The following IRF2 variants were observed in gnomAD, a reference collection of about 807,000 sequenced individuals.
IRF2 encodes interferon regulatory factor 2.
Under a neutral mutation model 40.6 loss-of-function variants are expected in IRF2, and 15 were observed. The ratio of observed to expected loss-of-function variants is 0.37; its 90% CI spans 0.25 to 0.57. The LOEUF (loss-of-function observed/expected upper bound fraction) is 0.57, where lower values mean the gene tolerates loss of function less well. Among genes scored for constraint, IRF2 ranks in the 20% least tolerant of loss-of-function variants. The pLI, the probability that IRF2 is intolerant of heterozygous loss-of-function variation, is 0.77. For synonymous variants in IRF2, 151 were observed against 165.5 expected (o/e 0.91, Z 0.67); for missense variants, 317 against 455.7 (o/e 0.70, Z 2.77).
chr4:184,412,181 A>G (rs997163921), intron 5 of IRF2, among the ~76,000 whole-genome samples: 1 of 152,180 alleles, frequency 6.6e-6, no homozygotes, highest in African/African-American at 2.4e-5. Context: ...CTTTGCTATA[A>G]TTACAGAATC....
chr4:184,391,384 T>C (rs1736255598), intron 7 of IRF2, among the ~76,000 whole-genome samples: 1 of 152,212 alleles, frequency 6.6e-6, no homozygotes, highest in Middle Eastern at 3.2e-3. Context: ...TGTGATCCTG[T>C]GTCCATGATC....
At chr4:184,436,284 C>T (rs1738075548) in intron 1 of IRF2, among the ~76,000 whole-genome samples, 1 of 152,100 alleles carries the variant, frequency 6.6e-6, no homozygotes, top group African/African-American at 2.4e-5. Context: ...CATGGAACGC[C>T]TTTTCTTATT....
rs1323405113 is a variant in IRF2, at chr4:184,448,026, C to G, written c.-6-18956G>C. ...GACTATCTTCGTTACAGCAAAGACA[C>G]ATTCAAGTACTCAGGAGTGATGGGA... is the stretch of plus-strand genomic sequence containing the variant. On this transcript the variant is annotated intron_variant, in intron 1 of 8. Coordinates refer to ENST00000393593, the MANE Select transcript of IRF2 (RefSeq NM_002199.4). This position sits in a 1 kb window ranked among gnomAD's most constrained non-coding sequence, Gnocchi z 4.3. Among the ~76,000 whole-genome samples, 1 of 152,208 alleles carries G rather than the reference C, an allele frequency of 6.6e-6. No homozygotes were observed. The highest frequency in any genetic ancestry group is 1.5e-5 in the Non-Finnish European group (1 of 68,040).
chr4:184,454,505 C>T (rs1738839649), intron 1 of IRF2, among the ~76,000 whole-genome samples: 1 of 152,214 alleles, frequency 6.6e-6, no homozygotes, highest in South Asian at 2.1e-4. Context: ...TCCATGTCTC[C>T]TCTGCAAGCT....
chr4:184,395,486 C>A lies in IRF2; in HGVS notation c.694+3429G>T, dbSNP rs144428288. Among the ~76,000 whole-genome samples, 569 of 149,768 alleles carry A rather than the reference C, an allele frequency of 3.8e-3. 4 individuals are homozygous for A. Among genetic ancestry groups the A allele is most frequent in the African/African-American group, 0.013 (542 of 40,890 alleles). On this transcript the variant is annotated intron_variant, in intron 7 of 8. Transcript: ENST00000393593. ...GATGAACAGCCCAAACAAAGGAACT[C>A]CATCATGAAAAACAGGCAAATGGCC...
chr4:184,418,894 G>A (rs528513309), intron 3 of IRF2, among the ~76,000 whole-genome samples, 186 bp from the exon 4 acceptor site: 1 of 152,268 alleles, frequency 6.6e-6, no homozygotes, highest in African/African-American at 2.4e-5. Flanking sequence ...TGGGAATTTT[G>A]TTTTTAAAAC....
intron 1 of IRF2, among the ~76,000 whole-genome samples, chr4:184,441,179 A>G (rs140577481): frequency 6.6e-6 from 1 of 152,320 alleles, no homozygotes; most frequent in Non-Finnish European, 1.5e-5. Context: ...ACTGAGACCA[A>G]CGCTCCTTAG....
chr4:184,427,704 G>T (rs1364465474), intron 2 of IRF2, among the ~76,000 whole-genome samples: 1 of 151,976 alleles, frequency 6.6e-6, no homozygotes, highest in Middle Eastern at 3.2e-3. Context: ...AAAGAAATAA[G>T]ATTTGAAAGA....
chr4:184,417,227 T>A (rs988439697), intron 5 of IRF2, among the ~76,000 whole-genome samples: 1 of 152,048 alleles, frequency 6.6e-6, no homozygotes, highest in African/African-American at 2.4e-5. Context: ...TACTCAACTG[T>A]CTCCTTCCTA....
rs1394780362 is a variant in IRF2, at chr4:184,401,992, G to C, written c.530-2913C>G. Among the ~76,000 whole-genome samples the C allele has an allele frequency of 4.6e-5, 7 of 152,270 alleles. No homozygotes were observed. In the East Asian group the frequency reaches 1.4e-3, roughly 29 times the overall value. ...TCTTTCTCTCACTGCTTCTCCCCAT[G>C]ACGTCCTAGTCGGTTATTCAACTAA... On this transcript the variant is annotated intron_variant, in intron 6 of 8. Coordinates refer to ENST00000393593, the MANE Select transcript of IRF2 (RefSeq NM_002199.4).
At chr4:184,398,273 ACT>A in intron 7 of IRF2, among the ~76,000 whole-genome samples, 1 of 152,142 alleles carries the variant, frequency 6.6e-6, no homozygotes, top group East Asian at 1.9e-4. Flanking sequence ...CCATTAAAAC[ACT>A]CTGCCAAATT....
At chr4:184,433,799 T>C (rs1308952915) in intron 1 of IRF2, among the ~76,000 whole-genome samples, 1 of 152,188 alleles carries the variant, frequency 6.6e-6, no homozygotes, top group Admixed American at 6.5e-5. Context: ...GGGCAGGTAG[T>C]GCATTACCAG....
intron 1 of IRF2, among the ~76,000 whole-genome samples, chr4:184,455,603 A>G (rs969382415): frequency 3.9e-5 from 6 of 152,106 alleles, no homozygotes; most frequent in African/African-American, 1.4e-4. Flanking sequence ...TCACTCATTG[A>G]TAAGAAAGTG....
At chr4:184,434,070 C>T (rs936614312) in intron 1 of IRF2, among the ~76,000 whole-genome samples, 7 of 152,196 alleles carry the variant, frequency 4.6e-5, no homozygotes, top group Admixed American at 1.3e-4. Flanking sequence ...CGGTATGTAT[C>T]GTCTAGCTTC....
chr4:184,435,007 C>G (rs1300114230), intron 1 of IRF2, among the ~76,000 whole-genome samples: 5 of 152,178 alleles, frequency 3.3e-5, no homozygotes, highest in Non-Finnish European at 7.3e-5. Flanking sequence ...CATGATCACA[C>G]CACTGCATTC....
chr4:184,408,090 G>T lies in IRF2; in HGVS notation c.529+68C>A. 1.1e-6 allele frequency: 1 copy of T among 879,102 alleles called. No individual in the cohort carries two copies. The highest frequency in any genetic ancestry group is 1.9e-6 in the Non-Finnish European group (1 of 529,164). The allele number at this position is 879,102 out of a possible 1,614,324, so 54.5% of individuals were successfully genotyped here. ...CTGACTATGTTATTTGAAGTTCTCT[G>T]TTTTACAAATTTTAGGCCCCAGGGG... On this transcript the variant is annotated intron_variant, in intron 6 of 8. Coordinates refer to ENST00000393593, the MANE Select transcript of IRF2 (RefSeq NM_002199.4). This position sits in a 1 kb window ranked among gnomAD's most constrained non-coding sequence, Gnocchi z 4.9.
chr4:184,466,199 C>T (rs1459880106), intron 1 of IRF2, among the ~76,000 whole-genome samples: 1 of 151,984 alleles, frequency 6.6e-6, no homozygotes, highest in South Asian at 2.1e-4. Flanking sequence ...TACAGGTGCC[C>T]GCCACCATGC....
chr4:184,434,104 C>T (rs1467350030), intron 1 of IRF2, among the ~76,000 whole-genome samples: 2 of 152,194 alleles, frequency 1.3e-5, no homozygotes, highest in Non-Finnish European at 2.9e-5. Context: ...CAAGGTGACA[C>T]GCTGGTCTTT....
intron 1 of IRF2, among the ~76,000 whole-genome samples, chr4:184,452,770 C>CAAAAAAAAAAAAAAAAAAAAA (rs530415114): frequency 4.1e-4 from 22 of 53,824 alleles, no homozygotes; most frequent in Admixed American, 8.3e-4. Context: ...GACCCTGTCT[C>CAAAAAAAAAAAAAAAAAAAAA]AAAAAAAAAA....
Sources: allele counts gnomAD v4.1 joint callset (sites outside exome capture counted in the v4.1 genomes callset), GRCh38; gene constraint gnomAD v4.1.1; non-coding constraint Gnocchi (gnomAD v3.1); transcripts MANE v1.5; gene names NCBI Gene and HGNC (gene_info 2026-07-23, HGNC 2026-07-21).